DTNB: variants seen among roughly 807,000 people sequenced by gnomAD.
DTNB encodes dystrobrevin beta, also known as DTN-B.
In DTNB, 63 loss-of-function variants were observed where a neutral mutation model predicts 90.7. That is an observed-to-expected ratio of 0.69 (90% CI 0.57 to 0.86). The LOEUF (loss-of-function observed/expected upper bound fraction) is 0.86. Ranked by LOEUF, DTNB falls within the 40% of genes least tolerant of loss-of-function variation. The pLI is 0.00. For synonymous variants in DTNB, 277 were observed against 286.7 expected, an observed-to-expected ratio of 0.97 and a Z score of 0.34; for missense variants, 744 against 807.1, an observed-to-expected ratio of 0.92 and a Z score of 0.95.
intron 14 of DTNB, among the ~76,000 whole-genome samples, chr2:25,428,339 T>G (rs139371122): frequency 1.5e-3 from 221 of 152,302 alleles, no homozygotes; most frequent in Middle Eastern, 3.4e-3. Context: ...TTGGAAAATG[T>G]ATGTGCCTAT....
chr2:25,559,617 G>C (rs192668338), intron 8 of DTNB, among the ~76,000 whole-genome samples: 3 of 152,266 alleles, frequency 2.0e-5, no homozygotes, highest in Admixed American at 2.0e-4. Context: ...GATCGTAGTG[G>C]GATGAATGAC....
chr2:25,638,289 A>G (rs2077515808), intron 3 of DTNB, among the ~76,000 whole-genome samples: 1 of 152,220 alleles, frequency 6.6e-6, no homozygotes, highest in Admixed American at 6.5e-5. Context: ...GCACACCAAC[A>G]TGGCACATGT....
intron 5 of DTNB, among the ~76,000 whole-genome samples, chr2:25,606,191 TAA>T (rs34742111): frequency 6.7e-6 from 1 of 148,232 alleles, no homozygotes; most frequent in Non-Finnish European, 1.5e-5. Flanking sequence ...TCTTTCAATT[TAA>T]AAAAAAAAAG....
intron 1 of DTNB, among the ~76,000 whole-genome samples, chr2:25,671,387 C>T (rs1056519921): frequency 6.6e-6 from 1 of 152,094 alleles, no homozygotes; most frequent in African/African-American, 2.4e-5. Context: ...AATACATAAA[C>T]AAAATATCAT....
chr2:25,504,857 G>A (rs781272648), intron 9 of DTNB, among the ~76,000 whole-genome samples: 3 of 152,124 alleles, frequency 2.0e-5, no homozygotes, highest in Non-Finnish European at 2.9e-5. Context: ...AACTTGATGA[G>A]CTGACTCTAA....
intron 9 of DTNB, chr2:25,497,261 A>T (rs2150525088): frequency 6.6e-6 from 1 of 152,360 alleles, no homozygotes; most frequent in Admixed American, 6.5e-5. Context: ...CACACAGTGT[A>T]GGTACTGCTC....
chr2:25,536,287 C>T (rs2079734085), intron 8 of DTNB, among the ~76,000 whole-genome samples: 2 of 152,204 alleles, frequency 1.3e-5, no homozygotes, highest in Non-Finnish European at 2.9e-5. Context: ...ATGCTGCTCA[C>T]TTCCTACACG....
chr2:25,632,213 A>AAT (rs35823520), intron 3 of DTNB, among the ~76,000 whole-genome samples: 1 of 151,066 alleles, frequency 6.6e-6, no homozygotes, highest in Non-Finnish European at 1.5e-5. Flanking sequence ...AAAAAAAAAA[A>AAT]GAAATTGACC....
intron 16 of DTNB, among the ~76,000 whole-genome samples, chr2:25,390,895 C>CTTTT (rs34194776): frequency 7.4e-6 from 1 of 135,882 alleles, no homozygotes. Flanking sequence ...TAGGTAATGA[C>CTTTT]TTTTTTTTTT....
intron 16 of DTNB, among the ~76,000 whole-genome samples, chr2:25,417,546 G>A (rs1201490343): frequency 6.6e-6 from 1 of 152,208 alleles, no homozygotes; most frequent in Non-Finnish European, 1.5e-5. Flanking sequence ...GTTTTCAGGT[G>A]AGGTGTCGGG....
chr2:25,527,735 G>GT (rs1190762950), intron 9 of DTNB, among the ~76,000 whole-genome samples: 1 of 152,210 alleles, frequency 6.6e-6, no homozygotes, highest in East Asian at 1.9e-4. Flanking sequence ...TAGTCTAATT[G>GT]TTTTTTAAAA....
chr2:25,474,393 T>C (rs991157008), intron 10 of DTNB, among the ~76,000 whole-genome samples: 1 of 152,190 alleles, frequency 6.6e-6, no homozygotes, highest in Non-Finnish European at 1.5e-5. Flanking sequence ...GAAACTATCA[T>C]TAATTCTTGC....
chr2:25,522,574 A>G (rs1369047353), intron 9 of DTNB, among the ~76,000 whole-genome samples: 1 of 152,228 alleles, frequency 6.6e-6, no homozygotes. Flanking sequence ...ATTTGAAGGA[A>G]AAGACTTTAA....
At chr2:25,559,267 G>A (rs1000668921) in intron 8 of DTNB, among the ~76,000 whole-genome samples, 7 of 152,016 alleles carry the variant, frequency 4.6e-5, no homozygotes, top group South Asian at 4.2e-4. Flanking sequence ...TCCTCTGTCC[G>A]AGGCTTACGC....
chr2:25,664,060 T>C (rs969938515), intron 1 of DTNB, among the ~76,000 whole-genome samples: 10 of 152,220 alleles, frequency 6.6e-5, no homozygotes, highest in Non-Finnish European at 4.4e-5. Flanking sequence ...TATCTCAATT[T>C]ATAAGATTAG....
chr2:25,476,199 G>T (rs1164552688), intron 10 of DTNB, among the ~76,000 whole-genome samples: 1 of 151,930 alleles, frequency 6.6e-6, no homozygotes, highest in Non-Finnish European at 1.5e-5. Flanking sequence ...CTCCCAAGTG[G>T]CTGGGATTAC....
chr2:25,477,802 C>T (rs931978733), intron 10 of DTNB, among the ~76,000 whole-genome samples: 4 of 152,046 alleles, frequency 2.6e-5, no homozygotes, highest in Non-Finnish European at 5.9e-5. Context: ...GTACCTCTAC[C>T]TTTTCCAGGG....
chr2:25,419,583 AATTAATGCCC>A, intron 15 of DTNB, 48 bp from the exon 16 acceptor site: 3 of 1,549,318 alleles, frequency 1.9e-6, no homozygotes, highest in East Asian at 2.4e-5. Flanking sequence ...AAAGGAGAGA[AATTAATGCCC>A]ATTAATGCCC....
chr2:25,420,751 G>T (rs1472656303), intron 15 of DTNB, among the ~76,000 whole-genome samples: 1 of 152,086 alleles, frequency 6.6e-6, no homozygotes, highest in Non-Finnish European at 1.5e-5. Flanking sequence ...CCAAAGTGTT[G>T]GGATTACAGG....
Sources: allele counts gnomAD v4.1 joint callset (sites outside exome capture counted in the v4.1 genomes callset), GRCh38; gene constraint gnomAD v4.1.1; transcripts MANE v1.5; gene names NCBI Gene and HGNC (gene_info 2026-07-23, HGNC 2026-07-21).